Variants in ARL5C observed in about 807,000 individuals in gnomAD.
The protein encoded by ARL5C is putative ADP-ribosylation factor-like protein 5C.
Under a neutral mutation model 20.8 loss-of-function variants are expected in ARL5C, and 21 were observed. The observed-to-expected ratio is 1.01, with a 90% CI of 0.72 to 1.46. The LOEUF is 1.46. ARL5C is among the 40% of genes most tolerant of loss of function. The pLI is 0.00. For missense variants in ARL5C, 199 were observed against 225.1 expected (o/e 0.88, Z 0.74); for synonymous variants, 71 against 81.6 (o/e 0.87, Z 0.70).
intron 1 of ARL5C, 132 bp downstream of exon 1, chr17:39,165,583 G>T: frequency 8.8e-7 from 1 of 1,140,886 alleles, no homozygotes. Context: ...GGGAGGCCGC[G>T]GGGCAGTCGA....
chr17:39,160,339 A>AT (rs66875517), intron 5 of ARL5C: 3 of 386,790 alleles, frequency 7.8e-6, no homozygotes, highest in East Asian at 5.0e-5. Context: ...AAAAAAAAAA[A>AT]GAGAGAGAGA....
intron 1 of ARL5C, chr17:39,165,346 A>G (rs2045457522): frequency 1.6e-6 from 1 of 607,658 alleles, no homozygotes; most frequent in African/African-American, 1.9e-5. Flanking sequence ...ACCTCCCTTC[A>G]CATTCCAGAA....
At chr17:39,164,715 T>C (rs2045453981) in intron 2 of ARL5C, among the ~76,000 whole-genome samples, 1 of 152,016 alleles carries the variant, frequency 6.6e-6, no homozygotes, top group Non-Finnish European at 1.5e-5. Context: ...CCTTTGGGTT[T>C]GAAGAAGGGG....
intron 5 of ARL5C, among the ~76,000 whole-genome samples, chr17:39,158,502 A>T (rs2045417856): frequency 6.6e-6 from 1 of 151,918 alleles, no homozygotes; most frequent in African/African-American, 2.4e-5. Flanking sequence ...AGTCCCAGCT[A>T]CTAGGGAGGC....
intron 2 of ARL5C, among the ~76,000 whole-genome samples, chr17:39,163,345 C>CCTTTCTTTCCTTCTTTCTTTCTTT (rs2045444018): frequency 2.9e-5 from 4 of 136,740 alleles, no homozygotes; most frequent in Admixed American, 2.2e-4. Context: ...CAGGCTTTTG[C>CCTTTCTTTCCTTCTTTCTTTCTTT]CTTTCTTTCT....
chr17:39,162,426 G>A (rs770454350), intron 3 of ARL5C, among the ~76,000 whole-genome samples: 9 of 151,956 alleles, frequency 5.9e-5, no homozygotes, highest in Non-Finnish European at 8.8e-5. Context: ...TCAGCCTCCC[G>A]AGTAGCTGGG....
At chr17:39,159,576 C>T (rs1024708045) in intron 5 of ARL5C, among the ~76,000 whole-genome samples, 1 of 152,166 alleles carries the variant, frequency 6.6e-6, no homozygotes, top group African/African-American at 2.4e-5. Context: ...GGATTACAGG[C>T]ATGAGCCACC....
At chr17:39,164,958 C>T (rs1416196066) in intron 2 of ARL5C, 121 bp downstream of exon 2, 12 of 989,420 alleles carry the variant, frequency 1.2e-5, no homozygotes, top group Non-Finnish European at 1.8e-5. Context: ...CGTGCCCAAT[C>T]GCTCCTCCGG....
At chr17:39,163,855 C>T (rs2045449897) in intron 2 of ARL5C, among the ~76,000 whole-genome samples, 1 of 151,860 alleles carries the variant, frequency 6.6e-6, no homozygotes. Flanking sequence ...ACCTCTGCCT[C>T]CCGGGTTCAA....
chr17:39,158,095 C>G (rs553029089), intron 5 of ARL5C, among the ~76,000 whole-genome samples: 19 of 123,254 alleles, frequency 1.5e-4, no homozygotes, highest in African/African-American at 1.8e-4. Context: ...AAGTGGCCGT[C>G]GAAGAAAGGG....
intron 2 of ARL5C, among the ~76,000 whole-genome samples, chr17:39,163,392 T>TTCTTTCTTTCTTTCTC (rs1555576164): frequency 2.9e-5 from 4 of 139,904 alleles, no homozygotes; most frequent in East Asian, 2.0e-4. Context: ...CTTTCTTTCT[T>TTCTTTCTTTCTTTCTC]TCTCTCTTTC....
Position 39,165,902 on chromosome 17 carries a change from C to A in ARL5C, c.-142G>T. ...TAGGGAAGCCCCACACGTCACCAAC[C>A]TGACCTGGGAACCCTCTGGGACGCT... On this transcript the variant is annotated 5_prime_UTR_variant, in exon 1 of 6. The change creates a new upstream start codon in the 5' untranslated region. Transcript: ENST00000269586. 1 of 945,362 alleles carries A rather than the reference C, an allele frequency of 1.1e-6. No individual in the cohort carries two copies. Among genetic ancestry groups the A allele is most frequent in the Non-Finnish European group, 1.6e-6 (1 of 622,272 alleles). 58.6% of individuals were successfully genotyped at this position (945,362 alleles called of 1,614,324 possible).
At chr17:39,156,872 T>G, downstream of ARL5C, 1 of 1,551,668 alleles carries the variant, frequency 6.4e-7, no homozygotes, top group Non-Finnish European at 8.7e-7. Flanking sequence ...CCAAAGTTTC[T>G]GGTTGACCTC....
chr17:39,160,601 T>C lies in ARL5C; in HGVS notation c.481A>G (p.Thr161Ala). 6.4e-7 allele frequency: 1 copy of C among 1,551,768 alleles called. No individual in the cohort carries two copies. The highest frequency in any genetic ancestry group is 1.2e-5 in the South Asian group (1 of 84,056). The change falls in exon 5 of 6, where the codon ACC becomes GCC. Residue 161 changes from threonine to alanine, a missense_variant. Coordinates refer to ENST00000269586, the MANE Select transcript of ARL5C (RefSeq NM_001143968.1). The part of the protein sequence containing the change: ...SWHIQGCCAL[T>A]REGLPARLQW... ...AGGGCAGCCACTAACCCTTCCCTGG[T>C]GAGGGCACAGCAGCCTTGTATATGC...
intron 2 of ARL5C, 139 bp downstream of exon 2, chr17:39,164,940 C>A: frequency 4.9e-6 from 4 of 815,434 alleles, no homozygotes; most frequent in Non-Finnish European, 8.0e-6. Context: ...CTAGGAAGGT[C>A]CAAGCAGCGT....
chr17:39,165,659 G>A, intron 1 of ARL5C, 56 bp downstream of exon 1: 2 of 1,549,112 alleles, frequency 1.3e-6, no homozygotes, highest in South Asian at 1.2e-5. Context: ...GATCAGAGGA[G>A]TCCCAGAAGA....
At position 39,160,699 on chromosome 17, in the gene ARL5C, TC is replaced by T. The variant is rs2045429903; in HGVS notation, c.382del (p.Asp128ThrfsTer2). 6.4e-7 allele frequency: 1 copy of T among 1,551,792 alleles called. No individual in the cohort carries two copies. Among genetic ancestry groups the T allele is most frequent in the African/African-American group, 1.4e-5 (1 of 73,164 alleles). ...ASVLIFANKQDVKDSMRMVEI... is the reference protein window; with the variant it reads ...ASVLIFANKQXVKDSMRMVEI... ...CACCATCCTCATGGAGTCCTTCACG[TC>T]CTGCTTATTGGCAAATATCAGGACT... On this transcript the variant is annotated frameshift_variant, in exon 5 of 6. Coordinates refer to ENST00000269586, the MANE Select transcript of ARL5C (RefSeq NM_001143968.1). LOFTEE classifies it high-confidence loss of function.
At chr17:39,165,309 G>C in intron 1 of ARL5C, 170 bp from the exon 2 acceptor site, 1 of 655,214 alleles carries the variant, frequency 1.5e-6, no homozygotes, top group South Asian at 1.8e-5. Flanking sequence ...CCCACTCCGG[G>C]ACGGTGGAAA....
intron 5 of ARL5C, among the ~76,000 whole-genome samples, chr17:39,159,276 C>A (rs1185915504): frequency 6.9e-6 from 1 of 144,292 alleles, no homozygotes; most frequent in African/African-American, 2.6e-5. Context: ...GGCCTCAAGC[C>A]GTTTACCATT....
Sources: gnomAD v4.1 joint callset for allele counts (sites outside exome capture counted in the v4.1 genomes callset) on GRCh38, gnomAD v4.1.1 for gene constraint, MANE v1.5 for transcripts, NCBI Gene and HGNC (gene_info 2026-07-23, HGNC 2026-07-21) for gene names.